SMARCA2: variants seen among roughly 807,000 people sequenced by gnomAD.
SMARCA2 encodes SWI/SNF-related matrix-associated actin-dependent regulator of chromatin subfamily A member 2.
Under a neutral mutation model 199.8 loss-of-function variants are expected in SMARCA2, and 61 were observed. The ratio of observed to expected loss-of-function variants is 0.31; its 90% CI spans 0.25 to 0.38. The LOEUF (loss-of-function observed/expected upper bound fraction) is 0.38, where lower values mean the gene tolerates loss of function less well. SMARCA2 is among the 10% of genes least tolerant of loss of function. The pLI, the probability that SMARCA2 is intolerant of heterozygous loss-of-function variation, is 1.00. For missense variants in SMARCA2, 1,344 were observed against 2,012.2 expected, an observed-to-expected ratio of 0.67 and a Z score of 6.35; for synonymous variants, 935 against 732.0, an observed-to-expected ratio of 1.28 and a Z score of -4.48.
At chr9:2,190,642 C>T (rs199689027) in intron 32 of SMARCA2, among the ~76,000 whole-genome samples, 4 of 150,632 alleles carry the variant, frequency 2.7e-5, no homozygotes, top group African/African-American at 4.9e-5. Context: ...CACACACACA[C>T]ATACACACAG....
At position 2,073,028 on chromosome 9, in the gene SMARCA2, A is replaced by T. The variant is rs1056291721; in HGVS notation, c.1747-184A>T. On this transcript the variant is annotated intron_variant, in intron 10 of 33. Transcript: ENST00000349721. ...GTATCTTAGCTACCAGGGAGGCAGC[A>T]TTTTCAGTTTCTTTAGTGGGAGGTA... is the stretch of plus-strand genomic sequence containing the variant. 7.4e-5 allele frequency: 46 copies of T among 619,944 alleles called. 2 individuals carry two copies. In the South Asian group the frequency reaches 9.8e-4, roughly 13 times the overall value. The allele number at this position is 619,944 out of a possible 1,614,324, so 38.4% of individuals were successfully genotyped here. A position where few individuals can be genotyped will look rare whatever the true frequency, so the allele number is the denominator to read the frequency against.
intron 27 of SMARCA2, chr9:2,158,095 C>G (rs1825465028): frequency 2.9e-6 from 1 of 339,188 alleles, no homozygotes; most frequent in Admixed American, 4.9e-5. Context: ...TTCTTGCACA[C>G]CCTGAGTCAT....
intron 13 of SMARCA2, among the ~76,000 whole-genome samples, chr9:2,077,059 C>T (rs1821356616): frequency 6.6e-6 from 1 of 152,132 alleles, no homozygotes; most frequent in Non-Finnish European, 1.5e-5. Flanking sequence ...CCTGATCCTT[C>T]ACTGAAGGTG....
chr9:2,109,644 G>C (rs12551956), intron 23 of SMARCA2, among the ~76,000 whole-genome samples: 16,144 of 151,872 alleles, frequency 0.11, 1,172 homozygotes, highest in Non-Finnish European at 0.16. Context: ...GGGGGGGTGG[G>C]GATTATTGTG....
rs181965563 is a variant in SMARCA2, at chr9:2,108,629, G to C, written c.3293-1625G>C. On this transcript the variant is annotated intron_variant, in intron 23 of 33. Coordinates refer to ENST00000349721, the MANE Select transcript of SMARCA2 (RefSeq NM_003070.5). ...GTGGCTTTTCATTCAGTTTAAGGCA[G>C]AGGAGAAATATGTGAACCATTAATA... 1.2e-4 allele frequency among the ~76,000 whole-genome samples: 19 copies of C among 152,332 alleles called. No individual in the cohort carries two copies. In the East Asian group the frequency reaches 3.5e-3, roughly 28 times the overall value.
intron 8 of SMARCA2, among the ~76,000 whole-genome samples, chr9:2,059,264 C>A (rs1820482591): frequency 6.6e-6 from 1 of 152,132 alleles, no homozygotes; most frequent in African/African-American, 2.4e-5. Flanking sequence ...TAGTCTCAGA[C>A]CATAATTATG....
Position 2,017,104 on chromosome 9 carries a change from G to A in SMARCA2, c.-37+1700G>A, listed in dbSNP as rs1365505382. The A allele has an allele frequency of 6.6e-6, 1 of 152,274 alleles. No homozygotes were observed. Among genetic ancestry groups the A allele is most frequent in the East Asian group, 1.9e-4 (1 of 5,178 alleles). The allele number at this position is 152,274 out of a possible 1,614,324, so 9.4% of individuals were successfully genotyped here. A position where few individuals can be genotyped will look rare whatever the true frequency, so the allele number is the denominator to read the frequency against. ...TGGGCCGGTTTCCGGTACACGCGGG[G>A]AAATCGCCTCCTGCCAGTGTCTGAT... On this transcript the variant is annotated intron_variant, in intron 1 of 33. Coordinates refer to ENST00000349721, the MANE Select transcript of SMARCA2 (RefSeq NM_003070.5). This position sits in a 1 kb window ranked among gnomAD's most constrained non-coding sequence, Gnocchi z 8.8.
intron 27 of SMARCA2, among the ~76,000 whole-genome samples, chr9:2,145,323 A>C (rs982946544): frequency 1.0e-4 from 14 of 139,622 alleles, no homozygotes; most frequent in African/African-American, 3.3e-4. Context: ...AAAAAAAAAA[A>C]AAAAAAGAGA....
At chr9:2,052,257 T>C (rs2130320601) in intron 5 of SMARCA2, among the ~76,000 whole-genome samples, 1 of 152,340 alleles carries the variant, frequency 6.6e-6, no homozygotes, top group African/African-American at 2.4e-5. Context: ...GCGGATCACC[T>C]GAGGTCAGGA....
At chr9:2,080,500 G>A (rs1821519995) in intron 14 of SMARCA2, among the ~76,000 whole-genome samples, 1 of 152,180 alleles carries the variant, frequency 6.6e-6, no homozygotes, top group African/African-American at 2.4e-5. Flanking sequence ...CTTGTATTTA[G>A]TTGACTTTTC....
chr9:2,072,938 C>T (rs1334118241), intron 10 of SMARCA2, among the ~76,000 whole-genome samples: 1 of 152,208 alleles, frequency 6.6e-6, no homozygotes, highest in Non-Finnish European at 1.5e-5. Flanking sequence ...CACACCCTTG[C>T]ACTTCTAGCT....
chr9:2,186,189 G>A lies in SMARCA2; in HGVS notation c.4555G>A (p.Glu1519Lys). 2 of 1,614,100 alleles carry A rather than the reference G, an allele frequency of 1.2e-6. No homozygotes were observed. Among genetic ancestry groups the A allele is most frequent in the Non-Finnish European group, 1.7e-6 (2 of 1,179,942 alleles). ...EEESEDESNE[E>K]EEEEDEEESE... ...AGAGAGTGAGGATGAAAGCAATGAA[G>A]AGGAGGAAGAGGAAGATGAAGAAGA... is the stretch of plus-strand genomic sequence containing the variant. Residue 1519 changes from glutamate (E) to lysine (K), a missense_variant, in exon 32 of 34, where the codon GAG becomes AAG. By Grantham distance (56) the Glu-to-Lys change is moderately conservative. Around this residue, in one of 18 missense-constraint regions of SMARCA2, gnomAD observed 155 missense variants for 121.1 expected, o/e 1.28. Coordinates refer to ENST00000349721, the MANE Select transcript of SMARCA2 (RefSeq NM_003070.5).
At chr9:2,187,025 A>G (rs1324837593) in intron 32 of SMARCA2, among the ~76,000 whole-genome samples, 2 of 152,152 alleles carry the variant, frequency 1.3e-5, no homozygotes, top group East Asian at 3.8e-4. Flanking sequence ...CCCAGGGGGA[A>G]CTGATGATGT....
At chr9:2,127,730 T>C (rs2130639953) in intron 27 of SMARCA2, among the ~76,000 whole-genome samples, 1 of 152,322 alleles carries the variant, frequency 6.6e-6, no homozygotes, top group Non-Finnish European at 1.5e-5. Flanking sequence ...TTTTGGTGAA[T>C]ATTTAGCCAT....
chr9:2,167,329 C>G (rs866592907), intron 28 of SMARCA2, among the ~76,000 whole-genome samples: 2 of 152,222 alleles, frequency 1.3e-5, no homozygotes, highest in Admixed American at 6.5e-5. Context: ...CCTGAAGAAT[C>G]TGGAAACAGA....
intron 2 of SMARCA2, among the ~76,000 whole-genome samples, chr9:2,030,756 T>G (rs1819028791): frequency 2.6e-5 from 4 of 152,022 alleles, no homozygotes; most frequent in African/African-American, 9.7e-5. Flanking sequence ...ACCATTACAG[T>G]AGACAAGCCG....
In SMARCA2 at chr9:2,123,969, A is replaced by AG; in HGVS notation, c.3981+34dup. 6.6e-7 allele frequency: 1 copy of AG among 1,525,018 alleles called. No homozygotes were observed. Among genetic ancestry groups the AG allele is most frequent in the Non-Finnish European group, 8.9e-7 (1 of 1,124,106 alleles). The allele number at this position is 1,525,018 out of a possible 1,614,324, so 94.5% of individuals were successfully genotyped here. A position where few individuals can be genotyped will look rare whatever the true frequency, so the allele number is the denominator to read the frequency against. Reference sequence around the variant, plus strand: ...CTAGCTTTTCTAACCCGCTCTCACTAGGTGGAGGGTTTTTGGTGGCTTGGA... The same window carrying AG: ...CTAGCTTTTCTAACCCGCTCTCACTAGGGTGGAGGGTTTTTGGTGGCTTGGA... On this transcript the variant is annotated intron_variant, in intron 27 of 33. Transcript: ENST00000349721. This position sits in a 1 kb window ranked among gnomAD's most constrained non-coding sequence, Gnocchi z 4.1.
chr9:2,081,286 T>C (rs1233102785), intron 14 of SMARCA2, among the ~76,000 whole-genome samples: 1 of 152,182 alleles, frequency 6.6e-6, no homozygotes, highest in Admixed American at 6.5e-5. Context: ...AGCCTTTGGG[T>C]AGTACTCACA....
At chr9:2,156,180 C>A (rs571286414) in intron 27 of SMARCA2, among the ~76,000 whole-genome samples, 10 of 152,146 alleles carry the variant, frequency 6.6e-5, no homozygotes, top group African/African-American at 2.4e-4. Flanking sequence ...TAGCCATTGG[C>A]CAGGGCAAGA....
Sources: gnomAD v4.1 joint callset for allele counts (sites outside exome capture counted in the v4.1 genomes callset) on GRCh38, gnomAD v4.1.1 for gene constraint, gnomAD v4.1.1 regional missense constraint, Gnocchi (gnomAD v3.1) non-coding constraint, MANE v1.5 for transcripts, NCBI Gene and HGNC (gene_info 2026-07-23, HGNC 2026-07-21) for gene names.